HS3ST4: variants seen among roughly 807,000 people sequenced by gnomAD.
HS3ST4 encodes the protein heparan sulfate-glucosamine 3-sulfotransferase 4.
A neutral mutation model predicts 29.2 loss-of-function variants in HS3ST4; 17 were observed. That is an observed-to-expected ratio of 0.58 (90% CI 0.40 to 0.87). The LOEUF (loss-of-function observed/expected upper bound fraction) is 0.87, where lower values mean the gene tolerates loss of function less well. Among genes scored for constraint, HS3ST4 ranks in the 40% least tolerant of loss-of-function variants. The probability of loss-of-function intolerance (pLI) is 0.00; values close to 1 mark genes in which losing one functional copy is unlikely to be tolerated. For missense variants in HS3ST4, 627 were observed against 634.5 expected, an observed-to-expected ratio of 0.99 and a Z score of 0.13; for synonymous variants, 314 against 285.7, an observed-to-expected ratio of 1.10 and a Z score of -1.00.
Position 25,741,365 on chromosome 16 carries a change from T to TAAAAAAAAAAAAAAA in HS3ST4, c.734+48225_734+48239dup, listed in dbSNP as rs66788248. 7.6e-5 allele frequency among the ~76,000 whole-genome samples: 5 copies of TAAAAAAAAAAAAAAA among 66,194 alleles called. 1 individual carries two copies. Among genetic ancestry groups the TAAAAAAAAAAAAAAA allele is most frequent in the South Asian group, 1.1e-3 (1 of 942 alleles). The allele number at this position is 66,194 out of a possible 152,430, so 43.4% of individuals were successfully genotyped here. A position where few individuals can be genotyped will look rare whatever the true frequency, so the allele number is the denominator to read the frequency against. ...TTAAAGGATGAGTTTGAATTCAAGG[T>TAAAAAAAAAAAAAAA]AAAAAAAAAAAAAAAAAAAAAAAAA... On this transcript the variant is annotated intron_variant, in intron 1 of 1. Coordinates refer to ENST00000331351, the MANE Select transcript of HS3ST4 (RefSeq NM_006040.3).
chr16:25,928,517 A>C (rs1057389176), intron 1 of HS3ST4, among the ~76,000 whole-genome samples: 1 of 152,182 alleles, frequency 6.6e-6, no homozygotes, highest in African/African-American at 2.4e-5. Flanking sequence ...CCAATCTAAC[A>C]AGCACACCTC....
intron 1 of HS3ST4, among the ~76,000 whole-genome samples, chr16:25,840,086 G>T (rs1472192539): frequency 6.6e-6 from 1 of 152,124 alleles, no homozygotes; most frequent in Non-Finnish European, 1.5e-5. Flanking sequence ...CTTTCTGGTC[G>T]ATCTCTTCTT....
intron 1 of HS3ST4, among the ~76,000 whole-genome samples, chr16:25,815,105 G>A (rs996905843): frequency 5.9e-5 from 9 of 152,188 alleles, no homozygotes; most frequent in African/African-American, 2.2e-4. Context: ...AATCTGAACA[G>A]CTTAGTCTGT....
chr16:25,772,877 A>G (rs1966844179), intron 1 of HS3ST4, among the ~76,000 whole-genome samples: 1 of 152,134 alleles, frequency 6.6e-6, no homozygotes, highest in Non-Finnish European at 1.5e-5. Context: ...AGATGGAGAA[A>G]CGGCCATGGC....
intron 1 of HS3ST4, among the ~76,000 whole-genome samples, chr16:25,982,417 C>G (rs971132475): frequency 1.3e-5 from 2 of 152,206 alleles, no homozygotes; most frequent in Admixed American, 1.3e-4. Context: ...ACTCTTTTGC[C>G]TCAGTCTCTC....
At chr16:25,879,773 G>C (rs1339878293) in intron 1 of HS3ST4, among the ~76,000 whole-genome samples, 1 of 152,168 alleles carries the variant, frequency 6.6e-6, no homozygotes, top group Non-Finnish European at 1.5e-5. Flanking sequence ...ACCCAAGACT[G>C]GGTAATTTAT....
chr16:25,757,771 G>A (rs1006006218), intron 1 of HS3ST4, among the ~76,000 whole-genome samples: 10 of 151,944 alleles, frequency 6.6e-5, no homozygotes, highest in African/African-American at 2.2e-4. Context: ...CTAGATGCAA[G>A]TATCTCGTCG....
intron 1 of HS3ST4, among the ~76,000 whole-genome samples, chr16:25,814,281 CT>C (rs1162718826): frequency 1.3e-5 from 2 of 150,638 alleles, no homozygotes; most frequent in African/African-American, 2.5e-5. Flanking sequence ...GAAAGAAAAA[CT>C]TGTGGGACGG....
chr16:25,694,471 T>G (rs1410193457), intron 1 of HS3ST4, among the ~76,000 whole-genome samples: 1 of 152,234 alleles, frequency 6.6e-6, no homozygotes, highest in Non-Finnish European at 1.5e-5. Context: ...TAACGTCTTG[T>G]CTGTTTCAAC....
intron 1 of HS3ST4, among the ~76,000 whole-genome samples, chr16:25,841,445 C>T (rs1037356407): frequency 9.2e-5 from 14 of 152,040 alleles, no homozygotes; most frequent in African/African-American, 3.1e-4. Context: ...GGACTATAGG[C>T]AGCTAATTTT....
intron 1 of HS3ST4, chr16:26,032,873 C>T: frequency 6.7e-7 from 1 of 1,500,742 alleles, no homozygotes; most frequent in Non-Finnish European, 9.1e-7. Flanking sequence ...GGCGCGCGGG[C>T]TTTGGTCGGT....
In HS3ST4 at chr16:25,732,824, G is replaced by A. The variant is rs796634639; in HGVS notation, c.734+39673G>A. On this transcript the variant is annotated intron_variant, in intron 1 of 1. Coordinates refer to ENST00000331351, the MANE Select transcript of HS3ST4 (RefSeq NM_006040.3). ...TGCTACTTCCTAGCTGTGGGACTTCGGACATGTCGCCCAATCGGTCGCAAT... is the reference window on the plus strand; with the variant it reads ...TGCTACTTCCTAGCTGTGGGACTTCAGACATGTCGCCCAATCGGTCGCAAT... Among the ~76,000 whole-genome samples the A allele has an allele frequency of 3.1e-4, 47 of 152,250 alleles. 1 individual carries two copies. Among genetic ancestry groups the A allele is most frequent in the African/African-American group, 1.0e-3 (43 of 41,538 alleles).
At chr16:25,991,299 AT>A (rs1200929175) in intron 1 of HS3ST4, among the ~76,000 whole-genome samples, 1 of 152,218 alleles carries the variant, frequency 6.6e-6, no homozygotes, top group Non-Finnish European at 1.5e-5. Context: ...CTCAAAGGAA[AT>A]ATTAGGAGCA....
intron 1 of HS3ST4, among the ~76,000 whole-genome samples, chr16:25,713,595 G>A (rs1966431800): frequency 6.6e-6 from 1 of 152,158 alleles, no homozygotes; most frequent in African/African-American, 2.4e-5. Context: ...AAAAGGCCTT[G>A]GTTCCTTGCA....
At chr16:25,856,931 T>A (rs1967579081) in intron 1 of HS3ST4, among the ~76,000 whole-genome samples, 1 of 152,262 alleles carries the variant, frequency 6.6e-6, no homozygotes, top group Non-Finnish European at 1.5e-5. Context: ...ACTCCTGAAT[T>A]CATAGTTGGG....
chr16:25,707,371 A>C (rs557395671), intron 1 of HS3ST4, among the ~76,000 whole-genome samples: 1 of 152,280 alleles, frequency 6.6e-6, no homozygotes, highest in Admixed American at 6.5e-5. Flanking sequence ...TGAGTTGTTA[A>C]TCTCTTACTG....
chr16:25,824,592 A>G (rs1967197910), intron 1 of HS3ST4: 1 of 152,176 alleles, frequency 6.6e-6, no homozygotes, highest in Non-Finnish European at 1.5e-5. Flanking sequence ...ACCTGCCCCC[A>G]TAATTCAATT....
At chr16:25,868,437 C>T (rs139543962) in intron 1 of HS3ST4, among the ~76,000 whole-genome samples, 2 of 152,292 alleles carry the variant, frequency 1.3e-5, no homozygotes, top group African/African-American at 2.4e-5. Flanking sequence ...ACAGATGTCC[C>T]TTCCATCAGC....
At chr16:25,719,974 AGT>A (rs899487783) in intron 1 of HS3ST4, among the ~76,000 whole-genome samples, 3 of 152,240 alleles carry the variant, frequency 2.0e-5, no homozygotes, top group Admixed American at 1.3e-4. Context: ...TCTTTCCGTG[AGT>A]GTTATACACA....
Sources: allele counts gnomAD v4.1 joint callset (sites outside exome capture counted in the v4.1 genomes callset), GRCh38; gene constraint gnomAD v4.1.1; transcripts MANE v1.5; gene names NCBI Gene and HGNC (gene_info 2026-07-23, HGNC 2026-07-21).